Variants in SLC45A4 observed in about 807,000 individuals in gnomAD.
SLC45A4 encodes the protein solute carrier family 45 member 4.
SLC45A4 carries 32 observed loss-of-function variants against 63.7 expected under a neutral mutation model. That is an observed-to-expected ratio of 0.50 (90% CI 0.38 to 0.67). The LOEUF (loss-of-function observed/expected upper bound fraction) is 0.67, where lower values mean the gene tolerates loss of function less well. Ranked by LOEUF, SLC45A4 falls within the 30% of genes least tolerant of loss-of-function variation. The probability of loss-of-function intolerance (pLI) is 0.00; values close to 1 mark genes in which losing one functional copy is unlikely to be tolerated. For synonymous variants in SLC45A4, 535 were observed against 510.0 expected (o/e 1.05, Z -0.66); for missense variants, 1,027 against 1,157.7 (o/e 0.89, Z 1.64).
intron 2 of SLC45A4, among the ~76,000 whole-genome samples, chr8:141,250,935 T>C (rs1295766460): frequency 1.3e-5 from 2 of 152,118 alleles, no homozygotes; most frequent in South Asian, 2.1e-4. Context: ...ATCTATAAAG[T>C]ATGAAAATTC....
intron 1 of SLC45A4, among the ~76,000 whole-genome samples, chr8:141,306,627 T>C (rs1432927049): frequency 6.6e-6 from 1 of 152,260 alleles, no homozygotes; most frequent in Non-Finnish European, 1.5e-5. Context: ...TGTACACCAA[T>C]ACTCCAGCTT....
intron 2 of SLC45A4, among the ~76,000 whole-genome samples, chr8:141,250,733 C>T (rs892871598): frequency 7.2e-5 from 11 of 152,072 alleles, no homozygotes; most frequent in Non-Finnish European, 1.0e-4. Context: ...CTATGACGTG[C>T]GGTGCGGTAG....
chr8:141,214,369 T>C (rs887167508), intron 7 of SLC45A4, among the ~76,000 whole-genome samples: 3 of 152,072 alleles, frequency 2.0e-5, no homozygotes, highest in African/African-American at 2.4e-5. Context: ...ACGGAGCTCA[T>C]TAGACACAGA....
intron 1 of SLC45A4, among the ~76,000 whole-genome samples, chr8:141,270,961 G>C (rs1285752824): frequency 1.3e-5 from 2 of 152,160 alleles, no homozygotes; most frequent in African/African-American, 4.8e-5. Flanking sequence ...GGCGAGACAG[G>C]GACTCAGAAG....
In SLC45A4 at chr8:141,218,003, G is replaced by A; in HGVS notation, c.1629+8C>T. 2 of 1,585,998 alleles carry A rather than the reference G, an allele frequency of 1.3e-6. No homozygotes were observed. The highest frequency in any genetic ancestry group is 2.3e-5 in the East Asian group (1 of 43,492). ...AGAGCGGCCCCGCTCCGGTGGCCGA[G>A]CACTCACCTTGGGGTCGCCTTCGAA... On this transcript the variant is annotated splice_region_variant and intron_variant, in intron 5 of 8. Coordinates refer to ENST00000517878, the MANE Select transcript of SLC45A4 (RefSeq NM_001286646.2).
Position 141,219,785 on chromosome 8 carries a change from C to T in SLC45A4, c.475G>A (p.Val159Met), listed in dbSNP as rs767014312. The T allele has an allele frequency of 4.7e-5, 75 of 1,597,500 alleles. No homozygotes were observed. The highest frequency in any genetic ancestry group is 6.1e-5 in the Non-Finnish European group (72 of 1,172,838). The change falls in exon 4 of 9, where the codon GTG (valine) becomes ATG (methionine). Residue 159 changes from valine to methionine, a missense_variant. Val to Met is a conservative substitution (Grantham distance 21, BLOSUM62 1). Coordinates refer to ENST00000517878, the MANE Select transcript of SLC45A4 (RefSeq NM_001286646.2). The stretch of plus-strand genomic sequence containing the variant: ...ACCACCACTCCCAGCACCGTGAGCA[C>T]GATGCCAATGGGCTGCCGGTTGGGG... Reference protein sequence around the residue: ...DVPNRQPIGIVLTVLGVVVLD... With the variant: ...DVPNRQPIGIMLTVLGVVVLD...
chr8:141,246,951 T>C (rs946618501), intron 2 of SLC45A4, among the ~76,000 whole-genome samples: 5 of 152,100 alleles, frequency 3.3e-5, no homozygotes, highest in Non-Finnish European at 7.4e-5. Context: ...AGACACCATC[T>C]AATAATAGAA....
At chr8:141,248,623 T>G (rs1363244569) in intron 2 of SLC45A4, among the ~76,000 whole-genome samples, 1 of 152,122 alleles carries the variant, frequency 6.6e-6, no homozygotes, top group Non-Finnish European at 1.5e-5. Context: ...CCTAGCACTT[T>G]GGGAGACCAA....
At chr8:141,235,376 T>A (rs1050517723) in intron 2 of SLC45A4, among the ~76,000 whole-genome samples, 2 of 152,110 alleles carry the variant, frequency 1.3e-5, no homozygotes, top group African/African-American at 4.8e-5. Flanking sequence ...AGAGTGCACT[T>A]CCGGTGTGGC....
At chr8:141,279,763 C>A (rs998952580) in intron 1 of SLC45A4, among the ~76,000 whole-genome samples, 1 of 152,222 alleles carries the variant, frequency 6.6e-6, no homozygotes, top group African/African-American at 2.4e-5. Flanking sequence ...ATTCCATCTG[C>A]GAACAAAAAC....
Position 141,293,043 on chromosome 8 carries a change from C to T in SLC45A4, c.-401+15053G>A, listed in dbSNP as rs182811195. 3.7e-3 allele frequency among the ~76,000 whole-genome samples: 564 copies of T among 152,298 alleles called. 4 individuals are homozygous for T. The highest frequency in any genetic ancestry group is 4.4e-3 in the Non-Finnish European group (300 of 68,018). On this transcript the variant is annotated intron_variant, in intron 1 of 8. Transcript: ENST00000517878. ...TTGGACACCCACATGCATGGTGACT[C>T]GAGGACAGCACCATCCTCCCCCACC... is the stretch of plus-strand genomic sequence containing the variant.
At chr8:141,249,060 T>C (rs1828347618) in intron 2 of SLC45A4, among the ~76,000 whole-genome samples, 1 of 147,352 alleles carries the variant, frequency 6.8e-6, no homozygotes, top group Non-Finnish European at 1.5e-5. Flanking sequence ...AAAGCTGCAA[T>C]GAGATATGGT....
In SLC45A4 at chr8:141,278,542, G is replaced by A. The variant is rs891361622; in HGVS notation, c.-400-23913C>T. The stretch of plus-strand genomic sequence containing the variant: ...GGCCGACCCACGAGGACACTGGTGA[G>A]ACAGGGGTGAGCACCTGCAGTGGAG... On this transcript the variant is annotated intron_variant, in intron 1 of 8. Transcript: ENST00000517878. This position sits in a 1 kb window ranked among gnomAD's most constrained non-coding sequence, Gnocchi z 4.1. Among the ~76,000 whole-genome samples the A allele has an allele frequency of 2.9e-4, 44 of 152,072 alleles. No individual in the cohort carries two copies. The highest frequency in any genetic ancestry group is 1.0e-3 in the African/African-American group (43 of 41,552).
At chr8:141,237,139 T>A (rs1386736266) in intron 2 of SLC45A4, among the ~76,000 whole-genome samples, 1 of 152,218 alleles carries the variant, frequency 6.6e-6, no homozygotes, top group African/African-American at 2.4e-5. Context: ...ATATGATATA[T>A]TGCTTACTAT....
In SLC45A4 at chr8:141,254,176, T is replaced by C. The variant is rs1435427403; in HGVS notation, c.54A>G (p.Leu18=). The change falls in exon 2 of 9, where the codon TTA becomes TTG. Residue 18 remains leucine, a synonymous_variant. Coordinates refer to ENST00000517878, the MANE Select transcript of SLC45A4 (RefSeq NM_001286646.2). This position sits in a 1 kb window ranked among gnomAD's most constrained non-coding sequence, Gnocchi z 4.5. ...ADPESMQVQE[L]SVPLPDPQKA... is the part of the protein sequence containing the mutation. ...TCTGCGGGTCCGGCAGGGGCACGGA[T>C]AACTCTTGAACTTGCATAGATTCCG... The C allele has an allele frequency of 6.5e-7, 1 of 1,536,134 alleles. No individual in the cohort carries two copies. Among genetic ancestry groups the C allele is most frequent in the Non-Finnish European group, 8.7e-7 (1 of 1,146,908 alleles).
In SLC45A4 at chr8:141,227,394, A is replaced by G. The variant is rs566264519; in HGVS notation, c.242-5629T>C. On this transcript the variant is annotated intron_variant, in intron 2 of 8. Coordinates refer to ENST00000517878, the MANE Select transcript of SLC45A4 (RefSeq NM_001286646.2). The surrounding 1 kb of genome is among the most constrained non-coding windows in gnomAD (Gnocchi z 4.4). ...CAAAAGATCCGCAATGGGAACAGGA[A>G]CTTGCATTCTTTCTTTCAATGGACA... is the stretch of plus-strand genomic sequence containing the variant. Among the ~76,000 whole-genome samples, 2 of 152,330 alleles carry G rather than the reference A, an allele frequency of 1.3e-5. No individual in the cohort carries two copies. The highest frequency in any genetic ancestry group is 4.8e-5 in the African/African-American group (2 of 41,568).
chr8:141,284,400 G>A (rs559858438), intron 1 of SLC45A4, among the ~76,000 whole-genome samples: 2 of 152,328 alleles, frequency 1.3e-5, no homozygotes, highest in African/African-American at 2.4e-5. Context: ...CGGGAGGGAG[G>A]GGCCACCCCC....
chr8:141,230,706 C>T (rs189116973), intron 2 of SLC45A4, among the ~76,000 whole-genome samples: 142 of 152,276 alleles, frequency 9.3e-4, no homozygotes, highest in African/African-American at 3.4e-3. Context: ...ACACTATCTT[C>T]CTGTGGAATT....
intron 1 of SLC45A4, among the ~76,000 whole-genome samples, chr8:141,258,593 G>A (rs1019427297): frequency 1.1e-4 from 17 of 152,144 alleles, no homozygotes; most frequent in African/African-American, 1.7e-4. Flanking sequence ...AGTCAGACCC[G>A]TTTTTCAAAG....
Sources: allele counts gnomAD v4.1 joint callset (sites outside exome capture counted in the v4.1 genomes callset), GRCh38; gene constraint gnomAD v4.1.1; non-coding constraint Gnocchi (gnomAD v3.1); transcripts MANE v1.5; gene names NCBI Gene and HGNC (gene_info 2026-07-23, HGNC 2026-07-21).